GRID2: variants seen among roughly 807,000 people sequenced by gnomAD.
The protein encoded by GRID2 is glutamate ionotropic receptor delta type subunit 2.
Under a neutral mutation model 114.8 loss-of-function variants are expected in GRID2, and 33 were observed. The observed-to-expected ratio is 0.29, with a 90% confidence interval of 0.22 to 0.38. The LOEUF (loss-of-function observed/expected upper bound fraction) is 0.38. Among genes scored for constraint, GRID2 ranks in the 10% least tolerant of loss-of-function variants. The pLI, the probability that GRID2 is intolerant of heterozygous loss-of-function variation, is 1.00. For synonymous variants in GRID2, 505 were observed against 449.9 expected, an observed-to-expected ratio of 1.12 and a Z score of -1.55; for missense variants, 1,184 against 1,257.7, an observed-to-expected ratio of 0.94 and a Z score of 0.89.
At position 93,791,890 on chromosome 4, in the gene GRID2, T is replaced by C. The variant is rs532591283; in HGVS notation, c.222-14825T>C. Reference sequence around the variant, plus strand: ...CTCAGCCCTCTTTTGAAAAATAAAGTATTTTAAATAGACTTTATTCTTCCC... The same window carrying C: ...CTCAGCCCTCTTTTGAAAAATAAAGCATTTTAAATAGACTTTATTCTTCCC... On this transcript the variant is annotated intron_variant, in intron 1 of 1. Coordinates refer to the GRID2 transcript ENST00000637838. Among the ~76,000 whole-genome samples the C allele has an allele frequency of 2.2e-3, 330 of 152,332 alleles. 3 individuals carry two copies. Among genetic ancestry groups the C allele is most frequent in the Non-Finnish European group, 3.4e-3 (234 of 68,014 alleles).
intron 2 of GRID2, among the ~76,000 whole-genome samples, chr4:92,786,422 T>A (rs1202713892): frequency 6.6e-6 from 1 of 151,886 alleles, no homozygotes; most frequent in African/African-American, 2.4e-5. Flanking sequence ...TACATCACTA[T>A]CTTAAGGCTT....
chr4:93,032,007 A>G (rs1724483959), intron 2 of GRID2, among the ~76,000 whole-genome samples: 1 of 152,170 alleles, frequency 6.6e-6, no homozygotes, highest in Non-Finnish European at 1.5e-5. Context: ...GGAATGTGAG[A>G]AATTTCAAGG....
At chr4:93,706,451 C>T (rs1233143158) in intron 14 of GRID2, among the ~76,000 whole-genome samples, 1 of 151,934 alleles carries the variant, frequency 6.6e-6, no homozygotes, top group Non-Finnish European at 1.5e-5. Flanking sequence ...GAGTTTATTC[C>T]TAGATATTGC....
chr4:92,543,108 T>C (rs1011043124), intron 1 of GRID2, among the ~76,000 whole-genome samples: 1 of 152,046 alleles, frequency 6.6e-6, no homozygotes, highest in Admixed American at 6.6e-5. Context: ...GGAAGAGAGA[T>C]GAATTTTCCT....
At chr4:93,768,752 T>C (rs926202904) in intron 14 of GRID2, among the ~76,000 whole-genome samples, 4 of 152,224 alleles carry the variant, frequency 2.6e-5, no homozygotes, top group African/African-American at 9.6e-5. Context: ...GCCAGCATCT[T>C]GCTCTAAGCA....
At chr4:93,474,604 A>G (rs1167188721) in intron 11 of GRID2, among the ~76,000 whole-genome samples, 1 of 152,104 alleles carries the variant, frequency 6.6e-6, no homozygotes, top group Non-Finnish European at 1.5e-5. Flanking sequence ...ATAGAGGGAG[A>G]AAACGAAATG....
At chr4:92,544,747 C>T (rs1164521851) in intron 1 of GRID2, among the ~76,000 whole-genome samples, 1 of 152,054 alleles carries the variant, frequency 6.6e-6, no homozygotes, top group Non-Finnish European at 1.5e-5. Flanking sequence ...CTTTCAGTAA[C>T]CAATATTATG....
At chr4:93,175,508 C>T (rs796324317) in intron 4 of GRID2, among the ~76,000 whole-genome samples, 2 of 151,986 alleles carry the variant, frequency 1.3e-5, no homozygotes, top group African/African-American at 4.8e-5. Flanking sequence ...TCATGTGGGC[C>T]TTACTAGATT....
At position 92,938,933 on chromosome 4, in the gene GRID2, A is replaced by G. The variant is rs1047492816; in HGVS notation, c.245-146062A>G. On this transcript the variant is annotated intron_variant, in intron 2 of 15. Transcript: ENST00000282020. The stretch of plus-strand genomic sequence containing the variant: ...GGCTGCATAGTATTCCATGGTGTAT[A>G]TGTGCCACATTGTCTTAATCCAGTC... Among the ~76,000 whole-genome samples the G allele has an allele frequency of 4.1e-4, 61 of 147,016 alleles. 7 individuals carry two copies. Among genetic ancestry groups the G allele is most frequent in the Non-Finnish European group, 1.7e-4 (11 of 66,494 alleles).
chr4:92,652,806 A>ATAT (rs1349023242), intron 2 of GRID2, among the ~76,000 whole-genome samples: 8 of 136,094 alleles, frequency 5.9e-5, no homozygotes, highest in African/African-American at 2.2e-4. Flanking sequence ...TGAAAAAAAA[A>ATAT]ATATATATAT....
chr4:92,597,528 TGCTCTGG>T (rs1729013049), intron 2 of GRID2, among the ~76,000 whole-genome samples: 1 of 152,194 alleles, frequency 6.6e-6, no homozygotes, highest in Admixed American at 6.5e-5. Flanking sequence ...CAATTTGTGC[TGCTCTGG>T]ATTTTGTTTT....
intron 2 of GRID2, chr4:92,822,299 C>T: frequency 1.6e-6 from 1 of 612,932 alleles, no homozygotes; most frequent in South Asian, 1.4e-5. Flanking sequence ...GCCAGCATTG[C>T]CTCCAGAAGC....
rs1398885076 is a variant in GRID2, at chr4:92,304,689, C to T, written c.33C>T (p.Ser11=). The T allele has an allele frequency of 1.2e-6, 2 of 1,613,372 alleles. No individual in the cohort carries two copies. Among genetic ancestry groups the T allele is most frequent in the South Asian group, 2.2e-5 (2 of 91,066 alleles). Residue 11 remains serine, a synonymous_variant, in exon 1 of 16, where the codon TCC becomes TCT. Transcript: ENST00000282020. The stretch of plus-strand genomic sequence containing the variant: ...TTTTCCCCTTTCTCTTGGTTTTGTC[C>T]GTCTGGTGGTCTCGAACCTGGGACT... MEVFPFLLVL[S]VWWSRTWDSA...
chr4:93,695,605 G>A (rs1409592385), intron 14 of GRID2, among the ~76,000 whole-genome samples: 1 of 152,110 alleles, frequency 6.6e-6, no homozygotes, highest in Non-Finnish European at 1.5e-5. Flanking sequence ...TGTGTTAGAC[G>A]GTGCTGAAAA....
chr4:92,344,075 C>G (rs1727645198), intron 1 of GRID2, among the ~76,000 whole-genome samples: 1 of 152,096 alleles, frequency 6.6e-6, no homozygotes, highest in Non-Finnish European at 1.5e-5. Flanking sequence ...AGAAAATCTG[C>G]ATATAAGTGG....
chr4:93,172,995 C>T (rs889590666), intron 4 of GRID2, among the ~76,000 whole-genome samples: 2 of 151,788 alleles, frequency 1.3e-5, no homozygotes, highest in African/African-American at 4.8e-5. Context: ...AGAAATGAGG[C>T]ATATTTCATG....
At chr4:93,753,004 T>C (rs1399778479) in intron 14 of GRID2, among the ~76,000 whole-genome samples, 1 of 151,928 alleles carries the variant, frequency 6.6e-6, no homozygotes, top group Admixed American at 6.6e-5. Flanking sequence ...GGCCTGGGGG[T>C]AGGACAAGAA....
At chr4:93,801,085 C>G (rs1436474717) in intron 1 of GRID2, among the ~76,000 whole-genome samples, 1 of 152,034 alleles carries the variant, frequency 6.6e-6, no homozygotes, top group Non-Finnish European at 1.5e-5. Context: ...TAGCTAGTAA[C>G]AAATTATTTT....
chr4:92,868,824 A>G (rs968132235), intron 2 of GRID2, among the ~76,000 whole-genome samples: 2 of 152,164 alleles, frequency 1.3e-5, no homozygotes, highest in Non-Finnish European at 2.9e-5. Context: ...TGGCAGGTAC[A>G]TCTTAGCATT....
Sources: allele counts gnomAD v4.1 joint callset (sites outside exome capture counted in the v4.1 genomes callset), GRCh38; gene constraint gnomAD v4.1.1; transcripts MANE v1.5; gene names NCBI Gene and HGNC (gene_info 2026-07-23, HGNC 2026-07-21).